The following CEACAM6 variants were observed in gnomAD, a reference collection of about 807,000 sequenced individuals.
CEACAM6 encodes the protein cell adhesion molecule CEACAM6.
CEACAM6 carries 21 observed loss-of-function variants against 32.4 expected under a neutral mutation model. That is an observed-to-expected ratio of 0.65 (90% CI 0.46 to 0.93). The LOEUF is 0.93. Ranked by LOEUF, CEACAM6 falls within the 40% of genes least tolerant of loss-of-function variation. CEACAM6 has a pLI of 0.00. For missense variants in CEACAM6, 406 were observed against 432.2 expected (o/e 0.94, Z 0.54); for synonymous variants, 184 against 174.4 (o/e 1.06, Z -0.43).
Position 41,767,005 on chromosome 19 carries a change from CAAAAAAA to C in CEACAM6, c.*40+720_*40+726del, listed in dbSNP as rs34180480. ...TGGGCGACAGTGCAAGACTCCGTCTCAAAAAAAAAAAAAAAAAAAAGAAGCCAAAGGA... is the reference window on the plus strand; with the variant it reads ...TGGGCGACAGTGCAAGACTCCGTCTCAAAAAAAAAAAAAGAAGCCAAAGGA... On this transcript the variant is annotated intron_variant, in intron 5 of 5. Transcript: ENST00000199764. Among the ~76,000 whole-genome samples, 38 of 88,486 alleles carry C rather than the reference CAAAAAAA, an allele frequency of 4.3e-4. No homozygotes were observed. The South Asian group carries it at 8.0e-3, about 19-fold the overall frequency. 58.1% of individuals were successfully genotyped at this position (88,486 alleles called of 152,430 possible).
rs1555822006 is a variant in CEACAM6, at chr19:41,762,241, G to A, written c.958+18G>A. 1 of 1,605,180 alleles carries A rather than the reference G, an allele frequency of 6.2e-7. No individual in the cohort carries two copies. The highest frequency in any genetic ancestry group is 1.7e-5 in the Admixed American group (1 of 59,434). On this transcript the variant is annotated intron_variant, in intron 4 of 5. Coordinates refer to ENST00000199764, the MANE Select transcript of CEACAM6 (RefSeq NM_002483.7). ...AGTCTCTGGTAAGTGGATCCATGAA[G>A]CACTAGCATCACATTTTCAGGTGGA...
rs1600502777 is a variant in CEACAM6, at chr19:41,770,975, C to T, written c.*214C>T. The T allele has an allele frequency of 2.0e-5, 3 of 152,244 alleles. No individual in the cohort carries two copies. The South Asian group carries it at 6.2e-4, about 32-fold the overall frequency. 9.4% of individuals were successfully genotyped at this position (152,244 alleles called of 1,614,324 possible). On this transcript the variant is annotated 3_prime_UTR_variant, in exon 6 of 6. Coordinates refer to ENST00000199764, the MANE Select transcript of CEACAM6 (RefSeq NM_002483.7). ...AGGTGTGTGCCACTCAGAGACTTCACCTAACTAGAGACAGTCAAACTGCAA... is the reference window on the plus strand; with the variant it reads ...AGGTGTGTGCCACTCAGAGACTTCATCTAACTAGAGACAGTCAAACTGCAA...
rs782609135 is a variant in CEACAM6, at chr19:41,762,215, C to T, written c.950C>T (p.Thr317Ile). 3.1e-6 allele frequency: 5 copies of T among 1,613,804 alleles called. No homozygotes were observed. The highest frequency in any genetic ancestry group is 3.3e-5 in the Admixed American group (2 of 60,022). Residue 317 changes from threonine to isoleucine, a missense_variant, in exon 4 of 6, where the codon ACA becomes ATA. By Grantham distance (89) the Thr-to-Ile change is moderately conservative. Transcript: ENST00000199764. The part of the protein sequence containing the change: ...GLNRTTVTMI[T>I]VSGSAPVLSA... ...AATAGGACCACAGTCACGATGATCA[C>T]AGTCTCTGGTAAGTGGATCCATGAA... is the stretch of plus-strand genomic sequence containing the variant.
chr19:41,770,016 T>A (rs1555822829), intron 5 of CEACAM6, among the ~76,000 whole-genome samples: 1 of 151,638 alleles, frequency 6.6e-6, no homozygotes, highest in East Asian at 1.9e-4. Flanking sequence ...TAGGCACTGC[T>A]GGCAAAGTCT....
chr19:41,762,416 G>T (rs1329531297), intron 4 of CEACAM6, among the ~76,000 whole-genome samples, 193 bp downstream of exon 4: 1 of 151,912 alleles, frequency 6.6e-6, no homozygotes, highest in Non-Finnish European at 1.5e-5. Context: ...GTTGTTTTTT[G>T]TTTTTTGATT....
chr19:41,770,255 CAA>C (rs1158293587), intron 5 of CEACAM6, among the ~76,000 whole-genome samples: 21 of 40,532 alleles, frequency 5.2e-4, no homozygotes, highest in Admixed American at 8.7e-4. Flanking sequence ...GCTAAAAATA[CAA>C]AAAAAAAAAA....
intron 4 of CEACAM6, among the ~76,000 whole-genome samples, chr19:41,764,336 A>G (rs927351750): frequency 6.6e-6 from 1 of 152,086 alleles, no homozygotes; most frequent in Non-Finnish European, 1.5e-5. Context: ...CCCAAGCTGG[A>G]GTGCAGTGGC....
intron 5 of CEACAM6, among the ~76,000 whole-genome samples, chr19:41,769,795 T>C (rs1203118109): frequency 6.8e-6 from 1 of 147,994 alleles, no homozygotes; most frequent in Non-Finnish European, 1.5e-5. Flanking sequence ...TTTAATAATT[T>C]ATTAATATTT....
Position 41,761,638 on chromosome 19 carries a change from C to T in CEACAM6, c.703+111C>T. ...CTAAGGACTCAGACCCTCACCCAGGCTGGCCATGACTTCCTGCCCTGAGCA... is the reference window on the plus strand; with the variant it reads ...CTAAGGACTCAGACCCTCACCCAGGTTGGCCATGACTTCCTGCCCTGAGCA... On this transcript the variant is annotated intron_variant, in intron 3 of 5. Coordinates refer to ENST00000199764, the MANE Select transcript of CEACAM6 (RefSeq NM_002483.7). The T allele has an allele frequency of 4.6e-6, 7 of 1,537,654 alleles. No individual in the cohort carries two copies. The South Asian group carries it at 8.7e-5, about 19-fold the overall frequency.
chr19:41,758,182 C>T (rs1322210027), intron 2 of CEACAM6: 1 of 152,328 alleles, frequency 6.6e-6, no homozygotes, highest in African/African-American at 2.4e-5. Flanking sequence ...CCAGGCCTCT[C>T]CCTTCGATCC....
chr19:41,759,396 A>G (rs2072909246), intron 2 of CEACAM6, among the ~76,000 whole-genome samples: 1 of 152,212 alleles, frequency 6.6e-6, no homozygotes, highest in Non-Finnish European at 1.5e-5. Context: ...CTCCTTCCCT[A>G]TTTGCCTAAC....
intron 4 of CEACAM6, among the ~76,000 whole-genome samples, chr19:41,762,839 T>C (rs550874429): frequency 1.3e-5 from 2 of 152,168 alleles, no homozygotes; most frequent in Admixed American, 6.5e-5. Context: ...AAGATGCTAA[T>C]CAACACCAAA....
At chr19:41,770,572 A>G (rs1469513816) in intron 5 of CEACAM6, among the ~76,000 whole-genome samples, 1 of 152,160 alleles carries the variant, frequency 6.6e-6, no homozygotes, top group African/African-American at 2.4e-5. Flanking sequence ...CAAAAGGAAA[A>G]AAAAAAGACT....
chr19:41,762,866 G>A (rs1428360619), intron 4 of CEACAM6, among the ~76,000 whole-genome samples: 2 of 152,158 alleles, frequency 1.3e-5, no homozygotes, highest in African/African-American at 4.8e-5. Flanking sequence ...CCTGGATCAG[G>A]CCGCAGGAAA....
At chr19:41,758,610 G>A (rs1555821474) in intron 2 of CEACAM6, among the ~76,000 whole-genome samples, 1 of 152,108 alleles carries the variant, frequency 6.6e-6, no homozygotes. Context: ...GGTCCCTGGG[G>A]TCTCTGAGGT....
intron 5 of CEACAM6, among the ~76,000 whole-genome samples, chr19:41,768,938 G>T (rs1216473470): frequency 6.6e-6 from 1 of 152,086 alleles, no homozygotes; most frequent in Admixed American, 6.5e-5. Context: ...TGGTGGGGGG[G>T]TTGTTTTTTG....
chr19:41,756,496 T>C, intron 1 of CEACAM6, 104 bp from the exon 2 acceptor site: 2 of 1,317,052 alleles, frequency 1.5e-6, no homozygotes, highest in Non-Finnish European at 1.0e-6. Context: ...ACACACACGC[T>C]CCAACGTGGA....
intron 1 of CEACAM6, among the ~76,000 whole-genome samples, 176 bp from the exon 2 acceptor site, chr19:41,756,424 G>A (rs1223196777): frequency 6.7e-6 from 1 of 150,168 alleles, no homozygotes. Flanking sequence ...AGGAATGGGG[G>A]TGTCACACTG....
Position 41,761,408 on chromosome 19 carries a change from AT to A in CEACAM6, c.585del (p.Asn195LysfsTer4). On this transcript the variant is annotated frameshift_variant, in exon 3 of 6. Transcript: ENST00000199764. LOFTEE classifies it high-confidence loss of function. ...LPVSPRLQLS[N>X]GNMTLTLLSV... ...GTCAGTCCCAGGCTGCAGCTGTCCAATGGCAACATGACCCTCACTCTACTCA... is the reference window on the plus strand; with the variant it reads ...GTCAGTCCCAGGCTGCAGCTGTCCAAGGCAACATGACCCTCACTCTACTCA... 6.2e-7 allele frequency: 1 copy of A among 1,614,202 alleles called. No homozygotes were observed. Among genetic ancestry groups the A allele is most frequent in the African/African-American group, 1.3e-5 (1 of 75,034 alleles).
Sources: allele counts gnomAD v4.1 joint callset (sites outside exome capture counted in the v4.1 genomes callset), GRCh38; gene constraint gnomAD v4.1.1; transcripts MANE v1.5; gene names NCBI Gene and HGNC (gene_info 2026-07-23, HGNC 2026-07-21).